CDHR3: variants seen among roughly 807,000 people sequenced by gnomAD.
CDHR3 encodes cadherin-related family member 3.
CDHR3 carries 79 observed loss-of-function variants against 86.6 expected under a neutral mutation model. The ratio of observed to expected loss-of-function variants is 0.91; its 90% CI spans 0.76 to 1.10. The LOEUF is 1.10. CDHR3 is among the 50% of genes least tolerant of loss of function. CDHR3 has a pLI of 0.00. For missense variants in CDHR3, 1,081 were observed against 1,077.6 expected (o/e 1.00, Z -0.04); for synonymous variants, 421 against 402.4 (o/e 1.05, Z -0.55).
At chr7:105,973,294 A>G (rs1002413454) in intron 1 of CDHR3, among the ~76,000 whole-genome samples, 1 of 152,160 alleles carries the variant, frequency 6.6e-6, no homozygotes, top group Non-Finnish European at 1.5e-5. Flanking sequence ...TACATTTTGC[A>G]CTTATTTGTA....
Position 105,996,279 on chromosome 7 carries a change from G to A in CDHR3, c.638G>A (p.Ser213Asn), listed in dbSNP as rs745598665. Reference sequence around the variant, plus strand: ...CATCTCATCGTGGAGGTGAGGGACAGTGGAGGCCTCAAAGCCTCCACAGAG... The same window carrying A: ...CATCTCATCGTGGAGGTGAGGGACAATGGAGGCCTCAAAGCCTCCACAGAG... ...SFHLIVEVRD[S>N]GGLKASTELQ... The change falls in exon 6 of 19, where the codon AGT (serine) becomes AAT (asparagine). Residue 213 changes from serine (S) to asparagine (N), a missense_variant. Transcript: ENST00000317716. The A allele has an allele frequency of 1.9e-6, 3 of 1,598,274 alleles. No homozygotes were observed. In the South Asian group the frequency reaches 3.3e-5, roughly 18 times the overall value.
rs1337734746 is a variant in CDHR3, at chr7:106,035,495, CAGCAA to C, written c.*2803_*2807del. ...TGAACAAAGAATGGAACAAAATGCC[CAGCAA>C]AGCAGAGAAAGAATGAGGCAACGAA... On this transcript the variant is annotated 3_prime_UTR_variant, in exon 19 of 19. Transcript: ENST00000317716. Among the ~76,000 whole-genome samples, 1 of 152,016 alleles carries C rather than the reference CAGCAA, an allele frequency of 6.6e-6. No individual in the cohort carries two copies. Among genetic ancestry groups the C allele is most frequent in the Non-Finnish European group, 1.5e-5 (1 of 68,008 alleles).
intron 6 of CDHR3, among the ~76,000 whole-genome samples, chr7:106,000,008 G>T (rs955413667): frequency 7.2e-5 from 11 of 152,242 alleles, no homozygotes; most frequent in African/African-American, 1.7e-4. Context: ...GGACCGAGGG[G>T]CTTGGCCCAG....
chr7:106,032,314 A>G lies in CDHR3; in HGVS notation c.2354-79A>G, dbSNP rs1359136599. 2.9e-6 allele frequency: 4 copies of G among 1,368,654 alleles called. No individual in the cohort carries two copies. In the African/African-American group the frequency reaches 4.3e-5, roughly 15 times the overall value. 84.8% of individuals were successfully genotyped at this position (1,368,654 alleles called of 1,614,324 possible). ...TTCATCTTCCCTTGGGAGTCAGAAC[A>G]GAGCAGGGTAGAAGTGGGGGAAGAG... is the stretch of plus-strand genomic sequence containing the variant. On this transcript the variant is annotated intron_variant, in intron 18 of 18. Coordinates refer to ENST00000317716, the MANE Select transcript of CDHR3 (RefSeq NM_152750.5).
chr7:105,992,653 G>A (rs753730240), intron 4 of CDHR3, among the ~76,000 whole-genome samples: 33 of 152,168 alleles, frequency 2.2e-4, no homozygotes, highest in Non-Finnish European at 1.5e-4. Context: ...CTGTGCCATC[G>A]TTAACTAACC....
Position 106,023,224 on chromosome 7 carries a change from C to G in CDHR3, c.2076+776C>G, listed in dbSNP as rs865919460. 2.6e-5 allele frequency among the ~76,000 whole-genome samples: 4 copies of G among 152,336 alleles called. No homozygotes were observed. The South Asian group carries it at 6.2e-4, about 24-fold the overall frequency. ...AACCTGGAATCCCCAACTCTATCCC[C>G]TAACCTAATGAATCCGAAGCTCTGG... On this transcript the variant is annotated intron_variant, in intron 14 of 18. Transcript: ENST00000317716.
chr7:105,986,665 G>A (rs1830573828), intron 4 of CDHR3, among the ~76,000 whole-genome samples: 2 of 152,050 alleles, frequency 1.3e-5, no homozygotes, highest in South Asian at 4.2e-4. Context: ...GGACAAAAAG[G>A]GGTATGACAT....
intron 5 of CDHR3, among the ~76,000 whole-genome samples, chr7:105,995,725 G>A (rs761611502): frequency 4.0e-4 from 61 of 152,050 alleles, no homozygotes; most frequent in Non-Finnish European, 7.6e-4. Flanking sequence ...TTTCTAAGAT[G>A]TAGTCATTAA....
chr7:106,003,731 G>C (rs949860306), intron 7 of CDHR3, among the ~76,000 whole-genome samples: 1 of 152,046 alleles, frequency 6.6e-6, no homozygotes, highest in African/African-American at 2.4e-5. Flanking sequence ...TGTCCTGTTG[G>C]CTCCTTAGGC....
Position 106,004,606 on chromosome 7 carries a change from G to A in CDHR3, c.971G>A (p.Gly324Asp), listed in dbSNP as rs1833677931. The A allele has an allele frequency of 6.2e-7, 1 of 1,614,042 alleles. No individual in the cohort carries two copies. The highest frequency in any genetic ancestry group is 8.5e-7 in the Non-Finnish European group (1 of 1,179,904). Reference protein sequence around the residue: ...EVLVKDRPYGGQENRIQITFI... With the variant: ...EVLVKDRPYGDQENRIQITFI... The stretch of plus-strand genomic sequence containing the variant: ...CTAGTGAAGGACAGACCATATGGGG[G>A]TCAGGAGAATCGCATCCAGATAACC... Residue 324 changes from glycine (G) to aspartate (D), a missense_variant, in exon 8 of 19, where the codon GGT becomes GAT. By Grantham distance (94) the Gly-to-Asp change is moderately conservative. Coordinates refer to ENST00000317716, the MANE Select transcript of CDHR3 (RefSeq NM_152750.5).
intron 7 of CDHR3, among the ~76,000 whole-genome samples, chr7:106,004,180 A>G (rs932546323): frequency 1.3e-5 from 2 of 152,150 alleles, no homozygotes; most frequent in Non-Finnish European, 2.9e-5. Flanking sequence ...CCTTTCAGTT[A>G]TAAATTCTCC....
chr7:106,015,255 G>T, intron 10 of CDHR3, 42 bp downstream of exon 10: 1 of 1,516,990 alleles, frequency 6.6e-7, no homozygotes. Context: ...TCTTTCTTGA[G>T]TATCAATGAC....
chr7:106,004,645 A>G lies in CDHR3; in HGVS notation c.1010A>G (p.Asp337Gly). 11 of 1,614,040 alleles carry G rather than the reference A, an allele frequency of 6.8e-6. No homozygotes were observed. Among genetic ancestry groups the G allele is most frequent in the Non-Finnish European group, 9.3e-6 (11 of 1,179,904 alleles). ...NRIQITFIVE[D>G]VNDNPATCQK... ...ATCCAGATAACCTTCATTGTGGAAG[A>G]CGTCAACGACAATCCTGCCACATGC... The change falls in exon 8 of 19, where the codon GAC becomes GGC. Residue 337 changes from aspartate to glycine, a missense_variant. Coordinates refer to ENST00000317716, the MANE Select transcript of CDHR3 (RefSeq NM_152750.5).
chr7:106,013,672 C>T (rs985473196), intron 9 of CDHR3, among the ~76,000 whole-genome samples: 8 of 152,128 alleles, frequency 5.3e-5, no homozygotes, highest in South Asian at 2.1e-4. Context: ...GCCAGCAACC[C>T]GCTACCCTTC....
chr7:106,005,358 A>C (rs1833805389), intron 8 of CDHR3, among the ~76,000 whole-genome samples: 1 of 152,244 alleles, frequency 6.6e-6, no homozygotes, highest in South Asian at 2.1e-4. Context: ...AAGCTTTTTG[A>C]AAACAATATT....
intron 3 of CDHR3, among the ~76,000 whole-genome samples, chr7:105,982,468 C>CA (rs71155496): frequency 0.55 from 60,308 of 110,422 alleles, 17,592 homozygotes; most frequent in African/African-American, 0.69. Flanking sequence ...GACTCTGTCT[C>CA]AAAAAAAAAA....
intron 4 of CDHR3, among the ~76,000 whole-genome samples, chr7:105,988,575 C>T (rs559017619): frequency 6.6e-6 from 1 of 152,296 alleles, no homozygotes; most frequent in South Asian, 2.1e-4. Context: ...AACTCTTCTC[C>T]AGCTTAATAA....
At position 106,030,617 on chromosome 7, in the gene CDHR3, G is replaced by C. The variant is rs1838184973; in HGVS notation, c.2305-175G>C. ...GTAATTGGCAAGCTTTGTACAGGCA[G>C]TGACTATGCCTGCCTTGTTCATCAC... On this transcript the variant is annotated intron_variant, in intron 17 of 18. Transcript: ENST00000317716. This position sits in a 1 kb window ranked among gnomAD's most constrained non-coding sequence, Gnocchi z 4.8. Among the ~76,000 whole-genome samples, 1 of 152,228 alleles carries C rather than the reference G, an allele frequency of 6.6e-6. No individual in the cohort carries two copies. Among genetic ancestry groups the C allele is most frequent in the Non-Finnish European group, 1.5e-5 (1 of 68,040 alleles).
intron 3 of CDHR3, among the ~76,000 whole-genome samples, chr7:105,981,347 C>T (rs1204713272): frequency 2.6e-5 from 4 of 152,216 alleles, no homozygotes; most frequent in African/African-American, 9.6e-5. Flanking sequence ...GGCAGGGTTT[C>T]TCCTGGTCCC....
Sources: gnomAD v4.1 joint callset for allele counts (sites outside exome capture counted in the v4.1 genomes callset) on GRCh38, gnomAD v4.1.1 for gene constraint, Gnocchi (gnomAD v3.1) non-coding constraint, MANE v1.5 for transcripts, NCBI Gene and HGNC (gene_info 2026-07-23, HGNC 2026-07-21) for gene names.